Variants in NXPE4 observed in about 807,000 individuals in gnomAD.
The protein encoded by NXPE4 is neurexophilin and PC-esterase domain family member 4.
NXPE4 carries 42 observed loss-of-function variants against 33.3 expected under a neutral mutation model. That is an observed-to-expected ratio of 1.26 (90% CI 0.98 to 1.63). The LOEUF is 1.63. Among genes scored for constraint, NXPE4 ranks in the 40% most tolerant of loss-of-function variants. NXPE4 has a pLI of 0.00. For synonymous variants in NXPE4, 253 were observed against 234.9 expected, an observed-to-expected ratio of 1.08 and a Z score of -0.71; for missense variants, 709 against 647.6, an observed-to-expected ratio of 1.09 and a Z score of -1.03.
At chr11:114,577,334 G>A (rs1181602383) in intron 5 of NXPE4, among the ~76,000 whole-genome samples, 3 of 151,738 alleles carry the variant, frequency 2.0e-5, no homozygotes, top group Non-Finnish European at 2.9e-5. Flanking sequence ...TCACTCATAT[G>A]TGGGAACTAA....
intron 5 of NXPE4, among the ~76,000 whole-genome samples, chr11:114,574,343 AAAAATAATGAAG>A: frequency 6.6e-6 from 1 of 152,210 alleles, no homozygotes. Context: ...TGGCAGAAAA[AAAAATAATGAAG>A]ATCAGAGCAG....
At chr11:114,657,908 G>A in the NXPE4 span, among the ~76,000 whole-genome samples, 2 of 152,084 alleles carry the variant, frequency 1.3e-5, no homozygotes, top group Admixed American at 6.6e-5. Context: ...AATCAAAGAC[G>A]AATAGAATAC....
chr11:114,660,975 A>G, the NXPE4 span, among the ~76,000 whole-genome samples: 3 of 152,162 alleles, frequency 2.0e-5, no homozygotes, highest in Non-Finnish European at 4.4e-5. Context: ...GTCAATCATC[A>G]GTTTAAAATT....
At chr11:114,591,500 C>G (rs1949453484) in intron 2 of NXPE4, among the ~76,000 whole-genome samples, 1 of 152,114 alleles carries the variant, frequency 6.6e-6, no homozygotes, top group Non-Finnish European at 1.5e-5. Flanking sequence ...GCCAAGTCAG[C>G]AGCAAGAAAG....
chr11:114,668,937 A>G, the NXPE4 span, among the ~76,000 whole-genome samples: 1 of 152,116 alleles, frequency 6.6e-6, no homozygotes, highest in East Asian at 1.9e-4. Flanking sequence ...TTTTGATTAG[A>G]AGAATGGAAT....
chr11:114,607,543 TA>T, the NXPE4 span, among the ~76,000 whole-genome samples: 1 of 152,064 alleles, frequency 6.6e-6, no homozygotes, highest in African/African-American at 2.4e-5. Flanking sequence ...ACCCGGTAGA[TA>T]ATAAGTATTG....
chr11:114,581,657 G>A (rs1949148874), intron 4 of NXPE4, 68 bp downstream of exon 4: 1 of 1,280,980 alleles, frequency 7.8e-7, no homozygotes, highest in Non-Finnish European at 1.1e-6. Flanking sequence ...AACAAATCCA[G>A]TAGAAAGAAG....
the NXPE4 span, among the ~76,000 whole-genome samples, chr11:114,608,835 G>C: frequency 1.3e-5 from 2 of 151,878 alleles, no homozygotes; most frequent in Non-Finnish European, 2.9e-5. Flanking sequence ...TTACCTGGTG[G>C]ATAATAAGTG....
chr11:114,670,864 C>CT, the NXPE4 span, among the ~76,000 whole-genome samples: 1 of 150,990 alleles, frequency 6.6e-6, no homozygotes, highest in Non-Finnish European at 1.5e-5. Context: ...CAGGAGAAAA[C>CT]GCAGGCAATG....
the NXPE4 span, among the ~76,000 whole-genome samples, chr11:114,608,262 C>T: frequency 6.6e-6 from 1 of 151,628 alleles, no homozygotes; most frequent in Non-Finnish European, 1.5e-5. Context: ...AAAGTTTTGC[C>T]TTGTGGGTAA....
chr11:114,608,813 G>A, the NXPE4 span, among the ~76,000 whole-genome samples: 2 of 151,810 alleles, frequency 1.3e-5, no homozygotes, highest in African/African-American at 4.8e-5. Context: ...GTTGCCTCGT[G>A]GGTAAGCACT....
intron 2 of NXPE4, among the ~76,000 whole-genome samples, chr11:114,591,299 A>G (rs762710149): frequency 3.9e-5 from 6 of 152,194 alleles, no homozygotes; most frequent in African/African-American, 7.2e-5. Context: ...TTAATTCTCC[A>G]TGCTCATGCT....
chr11:114,629,872 C>G, the NXPE4 span, among the ~76,000 whole-genome samples: 2 of 150,060 alleles, frequency 1.3e-5, no homozygotes, highest in South Asian at 4.3e-4. Context: ...TCTTATACAC[C>G]AACAACAGAC....
At chr11:114,613,435 G>T in the NXPE4 span, among the ~76,000 whole-genome samples, 13 of 151,838 alleles carry the variant, frequency 8.6e-5, no homozygotes, top group Admixed American at 3.3e-4. Flanking sequence ...AATAAGTGTT[G>T]CCTCTTGTGT....
chr11:114,577,908 A>G (rs1261009307), intron 5 of NXPE4, among the ~76,000 whole-genome samples: 1 of 152,210 alleles, frequency 6.6e-6, no homozygotes, highest in Non-Finnish European at 1.5e-5. Context: ...AATAAGTATT[A>G]CTAGTCATTT....
At chr11:114,629,331 TG>T in the NXPE4 span, among the ~76,000 whole-genome samples, 2 of 152,112 alleles carry the variant, frequency 1.3e-5, no homozygotes, top group Non-Finnish European at 2.9e-5. Flanking sequence ...CATGATCAAG[TG>T]GGCTTCATCC....
At chr11:114,637,764 T>C in the NXPE4 span, among the ~76,000 whole-genome samples, 9 of 151,910 alleles carry the variant, frequency 5.9e-5, no homozygotes, top group Admixed American at 5.9e-4. Flanking sequence ...TTGAAAATTC[T>C]TCTCTTTAAG....
At position 114,582,552 on chromosome 11, in the gene NXPE4, G is replaced by A; in HGVS notation, c.566C>T (p.Ser189Leu). The A allele has an allele frequency of 1.2e-6, 2 of 1,614,186 alleles. No homozygotes were observed. Among genetic ancestry groups the A allele is most frequent in the South Asian group, 2.2e-5 (2 of 91,082 alleles). ...LLLIHPSEGV[S>L]ALWSARNQGY... Reference sequence around the variant, plus strand: ...TTGGTTCCTTGCACTCCAGAGAGCTGACACCCCTTCACTGGGGTGGATGAG... The same window carrying A: ...TTGGTTCCTTGCACTCCAGAGAGCTAACACCCCTTCACTGGGGTGGATGAG... The change falls in exon 3 of 6, where the codon TCA becomes TTA. Residue 189 changes from serine (S) to leucine (L), a missense_variant. Transcript: ENST00000375478.
At chr11:114,601,318 C>A in the NXPE4 span, among the ~76,000 whole-genome samples, 1 of 148,986 alleles carries the variant, frequency 6.7e-6, no homozygotes, top group Non-Finnish European at 1.5e-5. Flanking sequence ...AGCTTAAATC[C>A]CACTTATAAG....
Sources: allele counts gnomAD v4.1 joint callset (sites outside exome capture counted in the v4.1 genomes callset), GRCh38; gene constraint gnomAD v4.1.1; transcripts MANE v1.5; gene names NCBI Gene and HGNC (gene_info 2026-07-23, HGNC 2026-07-21).